The following TENM4 variants were observed in gnomAD, a reference collection of about 807,000 sequenced individuals.
The protein encoded by TENM4 is teneurin-4.
Under a neutral mutation model 243.3 loss-of-function variants are expected in TENM4, and 82 were observed. The ratio of observed to expected loss-of-function variants is 0.34; its 90% CI spans 0.28 to 0.40. TENM4 has a LOEUF of 0.40. TENM4 is among the 10% of genes least tolerant of loss of function. The pLI is 1.00. For synonymous variants in TENM4, 1,412 were observed against 1,456.3 expected (o/e 0.97, Z 0.69); for missense variants, 3,138 against 3,673.3 (o/e 0.85, Z 3.77).
intron 29 of TENM4, among the ~76,000 whole-genome samples, chr11:78,686,799 G>C (rs886400380): frequency 6.6e-6 from 1 of 152,202 alleles, no homozygotes; most frequent in African/African-American, 2.4e-5. Flanking sequence ...AAAGGTGCTT[G>C]GTGAAGAAGG....
intron 1 of TENM4, among the ~76,000 whole-genome samples, chr11:79,383,288 C>A (rs539583777): frequency 3.9e-5 from 6 of 152,340 alleles, no homozygotes; most frequent in African/African-American, 1.4e-4. Context: ...GCCTTGCTCT[C>A]TTTTGGCTTC....
Position 79,332,219 on chromosome 11 carries a change from C to T in TENM4, c.-320-34676G>A, listed in dbSNP as rs546480497. ...GGTAGCCCAATGCCAGAAGCCAAAC[C>T]TTCAGCTATCACTCCAGGCTGCCAT... On this transcript the variant is annotated intron_variant, in intron 1 of 33. Transcript: ENST00000278550. Among the ~76,000 whole-genome samples, 6 of 152,310 alleles carry T rather than the reference C, an allele frequency of 3.9e-5. 1 individual carries two copies. In the East Asian group the frequency reaches 1.2e-3, roughly 29 times the overall value.
chr11:79,124,772 T>C (rs191000922), intron 4 of TENM4, among the ~76,000 whole-genome samples: 103 of 144,602 alleles, frequency 7.1e-4, no homozygotes, highest in Middle Eastern at 7.3e-3. Context: ...TATATATATA[T>C]ACACATATAT....
intron 3 of TENM4, among the ~76,000 whole-genome samples, chr11:79,212,713 A>G (rs1026248754): frequency 6.6e-6 from 1 of 151,738 alleles, no homozygotes; most frequent in African/African-American, 2.4e-5. Context: ...TCCTCCTCCT[A>G]CCCTGGAAAC....
At chr11:79,283,455 G>A (rs1479980924) in intron 2 of TENM4, among the ~76,000 whole-genome samples, 1 of 151,942 alleles carries the variant, frequency 6.6e-6, no homozygotes, top group Non-Finnish European at 1.5e-5. Flanking sequence ...GACCATAAAA[G>A]ACAAAAACCA....
In TENM4 at chr11:78,889,801, C is replaced by G. The variant is rs560347357; in HGVS notation, c.1068G>C (p.Leu356=). 1 of 1,552,094 alleles carries G rather than the reference C, an allele frequency of 6.4e-7. No individual in the cohort carries two copies. Among genetic ancestry groups the G allele is most frequent in the African/African-American group, 1.4e-5 (1 of 73,202 alleles). Residue 356 remains leucine, a synonymous_variant, in exon 9 of 34, where the codon CTG becomes CTC. Coordinates refer to ENST00000278550, the MANE Select transcript of TENM4 (RefSeq NM_001098816.3). The part of the protein sequence containing the change: ...AIVISATLVI[L]LAYFVAMHLF... ...GGTGCTTACCCACAAAGTATGCCAGCAGGATGACCAGAGTGGCTGAGATGA... is the reference window on the plus strand; with the variant it reads ...GGTGCTTACCCACAAAGTATGCCAGGAGGATGACCAGAGTGGCTGAGATGA...
In TENM4 at chr11:79,179,187, C is replaced by T. The variant is rs542060912; in HGVS notation, c.-162-30381G>A. On this transcript the variant is annotated intron_variant, in intron 3 of 33. Coordinates refer to ENST00000278550, the MANE Select transcript of TENM4 (RefSeq NM_001098816.3). The stretch of plus-strand genomic sequence containing the variant: ...CCTCACTTCTCCTCCTTGCCAACTA[C>T]CTCACAACGTTTGCAAGAGCTGCTG... Among the ~76,000 whole-genome samples, 4 of 152,206 alleles carry T rather than the reference C, an allele frequency of 2.6e-5. No individual in the cohort carries two copies. In the East Asian group the frequency reaches 5.8e-4, roughly 22 times the overall value.
chr11:79,399,004 A>G lies in TENM4; in HGVS notation c.-321+41505T>C, dbSNP rs553615311. 5.9e-5 allele frequency among the ~76,000 whole-genome samples: 9 copies of G among 152,280 alleles called. No individual in the cohort carries two copies. The East Asian group carries it at 1.7e-3, about 30-fold the overall frequency. On this transcript the variant is annotated intron_variant, in intron 1 of 33. Coordinates refer to ENST00000278550, the MANE Select transcript of TENM4 (RefSeq NM_001098816.3). ...CAGAGGCCTGAGCAGGATGGTGTGC[A>G]GAGGGAAGTGTGCTAGGCCTGGCTG...
At chr11:79,247,495 T>C (rs1359736431) in intron 2 of TENM4, among the ~76,000 whole-genome samples, 11 of 151,334 alleles carry the variant, frequency 7.3e-5, no homozygotes, top group Non-Finnish European at 1.6e-4. Context: ...AGGCGGGGCC[T>C]TCCCTTTTCG....
At chr11:78,846,395 A>G (rs1858393004) in intron 12 of TENM4, among the ~76,000 whole-genome samples, 1 of 152,240 alleles carries the variant, frequency 6.6e-6, no homozygotes, top group Non-Finnish European at 1.5e-5. Flanking sequence ...GCTATTTTAC[A>G]TACCAGTGAC....
At position 79,075,730 on chromosome 11, in the gene TENM4, C is replaced by T. The variant is rs575284411; in HGVS notation, c.-65-5721G>A. ...CCCCAGGTGAGCACATTGCCACTGACGCCATCTGTGAGATGTGTAAGACCC... is the reference window on the plus strand; with the variant it reads ...CCCCAGGTGAGCACATTGCCACTGATGCCATCTGTGAGATGTGTAAGACCC... On this transcript the variant is annotated intron_variant, in intron 4 of 33. Coordinates refer to ENST00000278550, the MANE Select transcript of TENM4 (RefSeq NM_001098816.3). Among the ~76,000 whole-genome samples, 89 of 152,330 alleles carry T rather than the reference C, an allele frequency of 5.8e-4. 1 individual carries two copies. The highest frequency in any genetic ancestry group is 3.4e-3 in the Middle Eastern group (1 of 294).
chr11:79,013,166 G>A (rs1565167008), intron 6 of TENM4, among the ~76,000 whole-genome samples: 1 of 152,112 alleles, frequency 6.6e-6, no homozygotes, highest in South Asian at 2.1e-4. Flanking sequence ...ACATTCAGGG[G>A]GCACGAGAGC....
At chr11:78,771,425 C>T (rs565404589) in intron 17 of TENM4, among the ~76,000 whole-genome samples, 36 of 152,272 alleles carry the variant, frequency 2.4e-4, no homozygotes, top group Non-Finnish European at 4.1e-4. Flanking sequence ...CAAAAGTGAC[C>T]GGGATTCTGG....
chr11:79,173,905 G>A (rs1416997529), intron 3 of TENM4, among the ~76,000 whole-genome samples: 3 of 152,232 alleles, frequency 2.0e-5, no homozygotes, highest in African/African-American at 7.2e-5. Context: ...GTTGTCATTT[G>A]TGCAAAGAGA....
intron 4 of TENM4, chr11:79,093,017 C>CT (rs1285866714): frequency 1.3e-5 from 2 of 152,220 alleles, no homozygotes; most frequent in African/African-American, 4.8e-5. Context: ...TTGCACAATG[C>CT]TATACTAATT....
Position 78,838,787 on chromosome 11 carries a change from C to T in TENM4, c.1681+15317G>A, listed in dbSNP as rs1858182104. On this transcript the variant is annotated intron_variant, in intron 12 of 33. Coordinates refer to ENST00000278550, the MANE Select transcript of TENM4 (RefSeq NM_001098816.3). ...CTAATTTTTTAAGGGAAGCCATAAACCTGTAGTTTTATGGAGGGTCATCCA... is the reference window on the plus strand; with the variant it reads ...CTAATTTTTTAAGGGAAGCCATAAATCTGTAGTTTTATGGAGGGTCATCCA... 3.9e-5 allele frequency among the ~76,000 whole-genome samples: 6 copies of T among 152,128 alleles called. No homozygotes were observed. The South Asian group carries it at 1.0e-3, about 26-fold the overall frequency.
intron 1 of TENM4, among the ~76,000 whole-genome samples, chr11:79,345,934 T>A (rs1394284376): frequency 6.6e-6 from 1 of 152,214 alleles, no homozygotes; most frequent in Non-Finnish European, 1.5e-5. Flanking sequence ...ACCATCAGCA[T>A]CATTATTTGG....
intron 6 of TENM4, among the ~76,000 whole-genome samples, chr11:78,985,656 G>A (rs118056238): frequency 7.2e-5 from 11 of 152,222 alleles, no homozygotes; most frequent in South Asian, 6.2e-4. Flanking sequence ...CTTTCTGTAC[G>A]TTAAAGAAGT....
intron 1 of TENM4, among the ~76,000 whole-genome samples, chr11:79,323,922 T>C (rs1376550650): frequency 2.6e-5 from 4 of 151,972 alleles, no homozygotes. Flanking sequence ...CTGACATACA[T>C]GCAGATACAC....
Sources: gnomAD v4.1 joint callset for allele counts (sites outside exome capture counted in the v4.1 genomes callset) on GRCh38, gnomAD v4.1.1 for gene constraint, MANE v1.5 for transcripts, NCBI Gene and HGNC (gene_info 2026-07-23, HGNC 2026-07-21) for gene names.